The following RHOT1 variants were observed in gnomAD, a reference collection of about 807,000 sequenced individuals.
The protein encoded by RHOT1 is mitochondrial Rho GTPase 1.
A neutral mutation model predicts 95.3 loss-of-function variants in RHOT1; 27 were observed. The ratio of observed to expected loss-of-function variants is 0.28; its 90% confidence interval spans 0.21 to 0.39. The LOEUF (loss-of-function observed/expected upper bound fraction) is 0.39, where lower values mean the gene tolerates loss of function less well. Among genes scored for constraint, RHOT1 ranks in the 10% least tolerant of loss-of-function variants. The pLI, the probability that RHOT1 is intolerant of heterozygous loss-of-function variation, is 1.00. For synonymous variants in RHOT1, 227 were observed against 263.5 expected, an observed-to-expected ratio of 0.86 and a Z score of 1.34; for missense variants, 578 against 786.7, an observed-to-expected ratio of 0.73 and a Z score of 3.17.
intron 1 of RHOT1, chr17:32,150,765 T>G: frequency 6.3e-7 from 1 of 1,591,278 alleles, no homozygotes; most frequent in Non-Finnish European, 8.6e-7. Context: ...TATCTTGCAT[T>G]TGGAAGTCAC....
At chr17:32,209,199 C>A in intron 18 of RHOT1, 1 of 401,118 alleles carries the variant, frequency 2.5e-6, no homozygotes, top group Non-Finnish European at 4.4e-6. Context: ...AACTTTACTG[C>A]TATTTTATTA....
intron 4 of RHOT1, 109 bp from the exon 5 acceptor site, chr17:32,175,853 G>C: frequency 1.5e-6 from 1 of 665,438 alleles, no homozygotes; most frequent in East Asian, 3.1e-5. Flanking sequence ...TGTTTTAGCT[G>C]TTAAATTTTT....
At chr17:32,159,538 G>A (rs896007115) in intron 1 of RHOT1, 7 of 152,378 alleles carry the variant, frequency 4.6e-5, no homozygotes. Context: ...GGCCCAGGAA[G>A]CCTGTGGGCT....
Position 32,203,895 on chromosome 17 carries a change from G to A in RHOT1, c.1338G>A (p.Gln446=). ...ATTTTCGGTTCTGTTTTCAGAGGCA[G>A]AAGAAAATTCGTGAAGATCATAAAT... The part of the protein sequence containing the change: ...QALLGRNLMR[Q]KKIREDHKSY... The change falls in exon 16 of 20, where the codon CAG becomes CAA. Residue 446 remains glutamine (Q), a synonymous_variant. Coordinates refer to ENST00000545287, the MANE Select transcript of RHOT1 (RefSeq NM_001033566.3). The A allele has an allele frequency of 6.2e-7, 1 of 1,612,352 alleles. No homozygotes were observed. Among genetic ancestry groups the A allele is most frequent in the South Asian group, 1.1e-5 (1 of 90,892 alleles).
chr17:32,196,643 A>C (rs1387844670), intron 11 of RHOT1, among the ~76,000 whole-genome samples: 1 of 151,946 alleles, frequency 6.6e-6, no homozygotes, highest in Non-Finnish European at 1.5e-5. Context: ...TGTCCATGCT[A>C]TTTTCACCTC....
chr17:32,204,102 T>A (rs1207716879), intron 16 of RHOT1, 129 bp downstream of exon 16: 2 of 645,450 alleles, frequency 3.1e-6, no homozygotes, highest in East Asian at 2.9e-5. Context: ...TTTTATTTAA[T>A]TTTTTTTAGA....
At chr17:32,212,107 CTTGA>C (rs2038173294) in intron 19 of RHOT1, among the ~76,000 whole-genome samples, 1 of 152,104 alleles carries the variant, frequency 6.6e-6, no homozygotes. Context: ...GGGAGCTGGG[CTTGA>C]TTAAGATCAA....
At chr17:32,199,934 T>A (rs55959037) in intron 13 of RHOT1, among the ~76,000 whole-genome samples, 46 of 151,570 alleles carry the variant, frequency 3.0e-4, no homozygotes, top group African/African-American at 1.1e-3. Flanking sequence ...TGTTTGTTTT[T>A]AATGAACTCT....
chr17:32,167,381 C>T (rs2034181933), intron 1 of RHOT1, among the ~76,000 whole-genome samples: 1 of 150,602 alleles, frequency 6.6e-6, no homozygotes, highest in African/African-American at 2.5e-5. Flanking sequence ...GGCTAGAGTG[C>T]AGTAGTGCAA....
At chr17:32,179,927 C>T (rs2035465350) in intron 6 of RHOT1, 3 of 142,536 alleles carry the variant, frequency 2.1e-5, no homozygotes, top group African/African-American at 8.7e-5. Flanking sequence ...AGCGCCTCTG[C>T]CCAGCTGACA....
chr17:32,150,886 C>CT (rs2032195729), intron 1 of RHOT1: 1 of 1,544,430 alleles, frequency 6.5e-7, no homozygotes, highest in Admixed American at 1.8e-5. Flanking sequence ...AGCATAAGCA[C>CT]TGGGGGATGT....
intron 16 of RHOT1, among the ~76,000 whole-genome samples, chr17:32,205,888 A>G (rs2037686681): frequency 6.6e-6 from 1 of 152,214 alleles, no homozygotes; most frequent in African/African-American, 2.4e-5. Context: ...CATAGATGGA[A>G]TATTTAAGAA....
chr17:32,206,871 A>G, intron 16 of RHOT1, 39 bp from the exon 17 acceptor site: 1 of 1,374,472 alleles, frequency 7.3e-7, no homozygotes. Context: ...TATCAATATT[A>G]TGATACTTAT....
At position 32,201,017 on chromosome 17, in the gene RHOT1, A is replaced by G. The variant is rs758688381; in HGVS notation, c.1162A>G (p.Ile388Val). The G allele has an allele frequency of 1.1e-5, 17 of 1,611,822 alleles. No homozygotes were observed. Among genetic ancestry groups the G allele is most frequent in the Admixed American group, 6.7e-5 (4 of 59,758 alleles). Residue 388 changes from isoleucine (I) to valine (V), a missense_variant, in exon 14 of 20, where the codon ATA (isoleucine) becomes GTA (valine). By Grantham distance (29) the Ile-to-Val change is conservative (BLOSUM62 3). Coordinates refer to ENST00000545287, the MANE Select transcript of RHOT1 (RefSeq NM_001033566.3). Reference protein sequence around the residue: ...LEYLGYLGYSILTEQESQASA... With the variant: ...LEYLGYLGYSVLTEQESQASA... ...ATATTTGGGCTATCTAGGCTATTCA[A>G]TATTGACTGAGCAAGAGTCTCAAGC...
At chr17:32,193,805 A>G (rs928968308) in intron 10 of RHOT1, among the ~76,000 whole-genome samples, 182 bp from the exon 11 acceptor site, 3 of 152,184 alleles carry the variant, frequency 2.0e-5, no homozygotes, top group Non-Finnish European at 4.4e-5. Flanking sequence ...CTGGGTGTAT[A>G]TGTGAAACAA....
intron 1 of RHOT1, among the ~76,000 whole-genome samples, chr17:32,163,143 G>A (rs188586605): frequency 8.7e-4 from 132 of 152,252 alleles, no homozygotes; most frequent in African/African-American, 3.0e-3. Flanking sequence ...CAAAGAAAGC[G>A]TTTGATCAGG....
At chr17:32,197,390 A>C (rs1161957576) in intron 11 of RHOT1, among the ~76,000 whole-genome samples, 1 of 149,480 alleles carries the variant, frequency 6.7e-6, no homozygotes, top group Admixed American at 6.6e-5. Flanking sequence ...CACCACACCC[A>C]GCTAATTTTC....
intron 2 of RHOT1, chr17:32,173,024 A>G (rs558621840): frequency 1.3e-5 from 2 of 152,350 alleles, no homozygotes; most frequent in East Asian, 3.9e-4. Context: ...TAAAAAATCT[A>G]ACACCGAAAC....
At chr17:32,165,336 C>CAAAAAAAAAA in intron 1 of RHOT1, among the ~76,000 whole-genome samples, 2 of 34,320 alleles carry the variant, frequency 5.8e-5, no homozygotes, top group Non-Finnish European at 1.1e-4. Flanking sequence ...GACTCCGTCT[C>CAAAAAAAAAA]AAAAAAAAAA....
Sources: gnomAD v4.1 joint callset for allele counts (sites outside exome capture counted in the v4.1 genomes callset) on GRCh38, gnomAD v4.1.1 for gene constraint, MANE v1.5 for transcripts, NCBI Gene and HGNC (gene_info 2026-07-23, HGNC 2026-07-21) for gene names.